RELN: variants seen among roughly 807,000 people sequenced by gnomAD.
The protein encoded by RELN is reelin.
Under a neutral mutation model 427.6 loss-of-function variants are expected in RELN, and 108 were observed. The observed-to-expected ratio is 0.25, with a 90% confidence interval of 0.22 to 0.30. The LOEUF (loss-of-function observed/expected upper bound fraction) is 0.30, where lower values mean the gene tolerates loss of function less well. Ranked by LOEUF, RELN falls within the 10% of genes least tolerant of loss-of-function variation. RELN has a pLI of 1.00. For missense variants in RELN, 3,715 were observed against 4,302.8 expected, an observed-to-expected ratio of 0.86 and a Z score of 3.82; for synonymous variants, 1,524 against 1,513.4, an observed-to-expected ratio of 1.01 and a Z score of -0.16.
intron 46 of RELN, among the ~76,000 whole-genome samples, chr7:103,524,975 C>T (rs1420012210): frequency 1.3e-5 from 2 of 152,142 alleles, no homozygotes; most frequent in Non-Finnish European, 2.9e-5. Context: ...CTGATATCCG[C>T]CTGAACCTGG....
At chr7:103,672,221 T>G in intron 11 of RELN, among the ~76,000 whole-genome samples, 1 of 152,198 alleles carries the variant, frequency 6.6e-6, no homozygotes, top group Non-Finnish European at 1.5e-5. Context: ...GGTAATGTGT[T>G]AGATTCATTG....
At chr7:103,616,881 G>C (rs1332632087) in intron 20 of RELN, among the ~76,000 whole-genome samples, 1 of 151,848 alleles carries the variant, frequency 6.6e-6, no homozygotes, top group Non-Finnish European at 1.5e-5. Context: ...GTATATCTTT[G>C]TGCACTTGTC....
At chr7:103,637,314 CT>C (rs1832603885) in intron 17 of RELN, among the ~76,000 whole-genome samples, 1 of 152,094 alleles carries the variant, frequency 6.6e-6, no homozygotes, top group African/African-American at 2.4e-5. Flanking sequence ...CAATTGGTAT[CT>C]TTTTGAGTGG....
At chr7:103,846,077 C>T (rs773529396) in intron 2 of RELN, among the ~76,000 whole-genome samples, 10 of 152,124 alleles carry the variant, frequency 6.6e-5, no homozygotes, top group Non-Finnish European at 1.5e-4. Context: ...TAGAAAGAAA[C>T]TATTTTAAAT....
chr7:103,593,402 T>C (rs548682520), intron 27 of RELN, among the ~76,000 whole-genome samples: 60 of 152,306 alleles, frequency 3.9e-4, no homozygotes, highest in Non-Finnish European at 7.2e-4. Flanking sequence ...CACAATCAGA[T>C]TGAAGTTCTA....
At chr7:103,893,712 C>A (rs1228520735) in intron 2 of RELN, among the ~76,000 whole-genome samples, 1 of 152,092 alleles carries the variant, frequency 6.6e-6, no homozygotes, top group Non-Finnish European at 1.5e-5. Context: ...TCCTTTGCAA[C>A]CAAAGACATG....
chr7:103,713,153 T>C (rs1445700644), intron 8 of RELN, among the ~76,000 whole-genome samples: 2 of 152,070 alleles, frequency 1.3e-5, no homozygotes, highest in East Asian at 1.9e-4. Flanking sequence ...GTGGGACCCA[T>C]AAATACTGAA....
chr7:103,580,301 A>G (rs362655), intron 28 of RELN, among the ~76,000 whole-genome samples: 4 of 152,340 alleles, frequency 2.6e-5, no homozygotes, highest in Admixed American at 2.6e-4. Flanking sequence ...AAGTAGAAAC[A>G]TATTTACTGT....
chr7:103,898,231 A>C (rs1441762180), intron 2 of RELN, among the ~76,000 whole-genome samples: 1 of 151,946 alleles, frequency 6.6e-6, no homozygotes, highest in Admixed American at 6.6e-5. Context: ...GTAAATTTCT[A>C]AACTGTCTTT....
chr7:103,640,650 A>C lies in RELN; in HGVS notation c.2003-41T>G, dbSNP rs898329088. 6.3e-7 allele frequency: 1 copy of C among 1,597,734 alleles called. No homozygotes were observed. Among genetic ancestry groups the C allele is most frequent in the African/African-American group, 1.3e-5 (1 of 74,536 alleles). On this transcript the variant is annotated intron_variant, in intron 16 of 64. Coordinates refer to ENST00000428762, the MANE Select transcript of RELN (RefSeq NM_005045.4). This position sits in a 1 kb window ranked among gnomAD's most constrained non-coding sequence, Gnocchi z 4.1. ...AGAGAACATAATTACAAAAACATAG[A>C]ACACTACCAGTACAATTTTGTGAAG...
At chr7:103,534,750 T>A (rs1830013059) in intron 46 of RELN, among the ~76,000 whole-genome samples, 1 of 152,152 alleles carries the variant, frequency 6.6e-6, no homozygotes, top group African/African-American at 2.4e-5. Flanking sequence ...ACCAGGCAAT[T>A]TTATTAAGCC....
In RELN at chr7:103,702,493, TAAG is replaced by T. The variant is rs768680977; in HGVS notation, c.806-1490_806-1488del. Among the ~76,000 whole-genome samples the T allele has an allele frequency of 2.4e-4, 37 of 152,290 alleles. 1 individual carries two copies. Among genetic ancestry groups the T allele is most frequent in the Non-Finnish European group, 4.7e-4 (32 of 68,022 alleles). On this transcript the variant is annotated intron_variant, in intron 8 of 64. Transcript: ENST00000428762. ...AATTTCTTGTGAATTGTTTACAAAT[TAAG>T]AAGAGAGAAGGAAAGCTGATATACA... is the stretch of plus-strand genomic sequence containing the variant.
At chr7:103,677,582 A>G (rs1833564193) in intron 11 of RELN, among the ~76,000 whole-genome samples, 2 of 150,670 alleles carry the variant, frequency 1.3e-5, no homozygotes, top group South Asian at 4.2e-4. Context: ...CCTGGCTAAC[A>G]TAGTGAAATC....
intron 45 of RELN, among the ~76,000 whole-genome samples, chr7:103,536,460 C>A (rs1683051368): frequency 6.6e-6 from 1 of 152,184 alleles, no homozygotes; most frequent in African/African-American, 2.4e-5. Flanking sequence ...ATTCCTGAGT[C>A]TCCCTACCAG....
chr7:103,493,950 G>A (rs757152848), intron 57 of RELN, among the ~76,000 whole-genome samples: 1 of 152,124 alleles, frequency 6.6e-6, no homozygotes, highest in Non-Finnish European at 1.5e-5. Flanking sequence ...GTTATAGAAA[G>A]AGAGACCCAG....
chr7:103,618,320 C>T (rs1428718725), intron 20 of RELN, among the ~76,000 whole-genome samples: 1 of 152,180 alleles, frequency 6.6e-6, no homozygotes, highest in Non-Finnish European at 1.5e-5. Context: ...CTAATTTTAC[C>T]CTCCCATGGG....
intron 46 of RELN, among the ~76,000 whole-genome samples, chr7:103,531,950 A>G (rs954185389): frequency 1.3e-5 from 2 of 152,226 alleles, no homozygotes; most frequent in Non-Finnish European, 2.9e-5. Context: ...TACTGGGTAT[A>G]TACCCAAAGG....
At chr7:103,696,357 A>C (rs1228011685) in intron 10 of RELN, among the ~76,000 whole-genome samples, 3 of 152,108 alleles carry the variant, frequency 2.0e-5, no homozygotes, top group Non-Finnish European at 4.4e-5. Flanking sequence ...ATCCCCACTC[A>C]TAAGGCTAAT....
chr7:103,755,041 T>C (rs1372284865), intron 4 of RELN, among the ~76,000 whole-genome samples: 2 of 152,206 alleles, frequency 1.3e-5, no homozygotes, highest in Non-Finnish European at 2.9e-5. Context: ...CCTCAGAGTC[T>C]AGACTCAACA....
Sources: gnomAD v4.1 joint callset for allele counts (sites outside exome capture counted in the v4.1 genomes callset) on GRCh38, gnomAD v4.1.1 for gene constraint, Gnocchi (gnomAD v3.1) non-coding constraint, MANE v1.5 for transcripts, NCBI Gene and HGNC (gene_info 2026-07-23, HGNC 2026-07-21) for gene names.